TRPC1: variants seen among roughly 807,000 people sequenced by gnomAD.
TRPC1 encodes short transient receptor potential channel 1.
TRPC1 carries 42 observed loss-of-function variants against 88.2 expected under a neutral mutation model. The observed-to-expected ratio is 0.48, with a 90% CI of 0.37 to 0.62. The LOEUF (loss-of-function observed/expected upper bound fraction) is 0.62, where lower values mean the gene tolerates loss of function less well. Among genes scored for constraint, TRPC1 ranks in the 20% least tolerant of loss-of-function variants. The pLI, the probability that TRPC1 is intolerant of heterozygous loss-of-function variation, is 0.00. For synonymous variants in TRPC1, 288 were observed against 331.8 expected, an observed-to-expected ratio of 0.87 and a Z score of 1.43; for missense variants, 699 against 957.3, an observed-to-expected ratio of 0.73 and a Z score of 3.56.
At chr3:142,744,697 A>G (rs2108038152) in intron 3 of TRPC1, among the ~76,000 whole-genome samples, 1 of 152,318 alleles carries the variant, frequency 6.6e-6, no homozygotes, top group South Asian at 2.1e-4. Flanking sequence ...ACAAAATGTT[A>G]CCTAACAATC....
chr3:142,804,254 G>T, intron 11 of TRPC1, 76 bp downstream of exon 11: 1 of 1,252,800 alleles, frequency 8.0e-7, no homozygotes, highest in Non-Finnish European at 1.1e-6. Context: ...GATAGCCAAA[G>T]ATTATAAGAT....
intron 4 of TRPC1, among the ~76,000 whole-genome samples, chr3:142,771,719 G>T (rs1340967757): frequency 6.6e-6 from 1 of 152,028 alleles, no homozygotes; most frequent in Admixed American, 6.6e-5. Context: ...AATGTAAATA[G>T]AAATATATTA....
Position 142,736,195 on chromosome 3 carries a change from C to T in TRPC1, c.173-184C>T, listed in dbSNP as rs187702934. On this transcript the variant is annotated intron_variant, in intron 1 of 12. Transcript: ENST00000476941. Reference sequence around the variant, plus strand: ...ACTTTTTATGTCTGCTGCTGATGTACGTATTATTTTATTAAGGTATAAATT... The same window carrying T: ...ACTTTTTATGTCTGCTGCTGATGTATGTATTATTTTATTAAGGTATAAATT... 6.5e-3 allele frequency among the ~76,000 whole-genome samples: 975 copies of T among 150,988 alleles called. 2 individuals carry two copies. Among genetic ancestry groups the T allele is most frequent in the Non-Finnish European group, 9.3e-3 (632 of 67,946 alleles).
Position 142,748,425 on chromosome 3 carries a change from T to G in TRPC1, c.597T>G (p.Ser199=). The change falls in exon 4 of 13, where the codon TCT becomes TCG. Residue 199 remains serine, a synonymous_variant. Transcript: ENST00000476941. Reference sequence around the variant, plus strand: ...TTGGCTGTGAATGCACATTGTGTTCTGCAAAAAACAAAAAGGATAGCCTCC... The same window carrying G: ...TTGGCTGTGAATGCACATTGTGTTCGGCAAAAAACAAAAAGGATAGCCTCC... ...HAVGCECTLC[S]AKNKKDSLRH... 1 of 1,614,102 alleles carries G rather than the reference T, an allele frequency of 6.2e-7. No individual in the cohort carries two copies. The highest frequency in any genetic ancestry group is 8.5e-7 in the Non-Finnish European group (1 of 1,179,968).
In TRPC1 at chr3:142,806,080, T is replaced by C. The variant is rs748236083; in HGVS notation, c.2227T>C (p.Leu743=). Residue 743 remains leucine, a synonymous_variant, in exon 13 of 13, where the codon TTG becomes CTG. Transcript: ENST00000476941. ...KVMCCLVHRY[L]TSMRQKMQST... ...GATGTGCTGCCTAGTGCATCGTTAC[T>C]TGACTTCCATGAGACAGAAGATGCA... 4 of 1,613,974 alleles carry C rather than the reference T, an allele frequency of 2.5e-6. No individual in the cohort carries two copies. The highest frequency in any genetic ancestry group is 1.1e-5 in the South Asian group (1 of 91,068).
chr3:142,737,330 A>ATGTATGTATGTATG (rs1560093169), intron 2 of TRPC1, among the ~76,000 whole-genome samples: 1 of 60,114 alleles, frequency 1.7e-5, no homozygotes, highest in East Asian at 4.0e-4. Context: ...TATTTTATAT[A>ATGTATGTATGTATG]TATATATGTA....
chr3:142,787,332 T>C (rs1338927120), intron 7 of TRPC1, among the ~76,000 whole-genome samples: 3 of 152,318 alleles, frequency 2.0e-5, no homozygotes, highest in African/African-American at 7.2e-5. Context: ...AATATTTTGC[T>C]TGCTTGCCTA....
At chr3:142,779,586 C>T (rs1419208309) in intron 5 of TRPC1, among the ~76,000 whole-genome samples, 1 of 152,058 alleles carries the variant, frequency 6.6e-6, no homozygotes, top group Non-Finnish European at 1.5e-5. Context: ...GTTTTGACTA[C>T]ATAGAATGTA....
rs537871902 is a variant in TRPC1 at position 142,770,154 on chromosome 3, G to A, written c.633-7478G>A. ...ACTCTGTCACCCAGGCTGGAATGCA[G>A]TGGTGCAATCTTGGCTACTGTAACC... On this transcript the variant is annotated intron_variant, in intron 4 of 12. Coordinates refer to ENST00000476941, the MANE Select transcript of TRPC1 (RefSeq NM_001251845.2). Among the ~76,000 whole-genome samples, 3 of 135,196 alleles carry A rather than the reference G, an allele frequency of 2.2e-5. No individual in the cohort carries two copies. The East Asian group carries it at 7.1e-4, about 32-fold the overall frequency. 88.7% of individuals were successfully genotyped at this position (135,196 alleles called of 152,430 possible).
At chr3:142,771,669 C>T (rs943214772) in intron 4 of TRPC1, among the ~76,000 whole-genome samples, 9 of 152,148 alleles carry the variant, frequency 5.9e-5, no homozygotes, top group African/African-American at 1.7e-4. Context: ...TTTGGCCCCA[C>T]CTACCTACTA....
Position 142,792,904 on chromosome 3 carries a change from T to G in TRPC1, c.1518T>G (p.Asn506Lys). Residue 506 changes from asparagine (N) to lysine (K), a missense_variant, in exon 9 of 13, where the codon AAT (asparagine) becomes AAG (lysine). Transcript: ENST00000476941. This position sits in a 1 kb window ranked among gnomAD's most constrained non-coding sequence, Gnocchi z 4.0. ...CAGAAGGGCTTTTTGCATTTGCAAATGTTCTAAGTTATCTTCGTCTCTTTT... is the reference window on the plus strand; with the variant it reads ...CAGAAGGGCTTTTTGCATTTGCAAAGGTTCTAAGTTATCTTCGTCTCTTTT... ...LVAEGLFAFA[N>K]VLSYLRLFFM... The G allele has an allele frequency of 6.2e-7, 1 of 1,610,714 alleles. No individual in the cohort carries two copies. The highest frequency in any genetic ancestry group is 8.5e-7 in the Non-Finnish European group (1 of 1,178,016).
chr3:142,792,756 A>T lies in TRPC1; in HGVS notation c.1438-68A>T. ...AAAATGGCTTTCTTTCAACAGTCAG[A>T]ATATTTGCTTTTATTTTCCTAAATT... is the stretch of plus-strand genomic sequence containing the variant. On this transcript the variant is annotated intron_variant, in intron 8 of 12. Coordinates refer to ENST00000476941, the MANE Select transcript of TRPC1 (RefSeq NM_001251845.2). This position sits in a 1 kb window ranked among gnomAD's most constrained non-coding sequence, Gnocchi z 4.0. 6.9e-7 allele frequency: 1 copy of T among 1,443,684 alleles called. No individual in the cohort carries two copies. 89.4% of individuals were successfully genotyped at this position (1,443,684 alleles called of 1,614,324 possible). A position where few individuals can be genotyped will look rare whatever the true frequency, so the allele number is the denominator to read the frequency against.
intron 3 of TRPC1, among the ~76,000 whole-genome samples, chr3:142,745,146 A>G (rs1374449998): frequency 6.6e-6 from 1 of 152,192 alleles, no homozygotes; most frequent in African/African-American, 2.4e-5. Flanking sequence ...AAAGGCTAAG[A>G]ATATAGTCCC....
At chr3:142,751,328 G>A (rs1934755449) in intron 4 of TRPC1, among the ~76,000 whole-genome samples, 1 of 152,016 alleles carries the variant, frequency 6.6e-6, no homozygotes, top group African/African-American at 2.4e-5. Context: ...TATTTTTACT[G>A]TACCTTTTCT....
At chr3:142,793,094 C>A in intron 9 of TRPC1, 127 bp downstream of exon 9, 1 of 779,078 alleles carries the variant, frequency 1.3e-6, no homozygotes, top group Non-Finnish European at 1.8e-6. Flanking sequence ...GAATAAGTAG[C>A]AATTAGAAGG....
In TRPC1 at chr3:142,780,883, T is replaced by G; in HGVS notation, c.814T>G (p.Leu272Val). 2 of 1,613,378 alleles carry G rather than the reference T, an allele frequency of 1.2e-6. No individual in the cohort carries two copies. Among genetic ancestry groups the G allele is most frequent in the Middle Eastern group, 1.7e-4 (1 of 6,056 alleles). ...GCAATGTAAAATGTTTGCTAAGGAT[T>G]TACTTGCACAAGCCCGGAATTCTCG... ...ARQCKMFAKD[L>V]LAQARNSREL... The change falls in exon 6 of 13, where the codon TTA (leucine) becomes GTA (valine). Residue 272 changes from leucine to valine, a missense_variant. Transcript: ENST00000476941.
At chr3:142,731,819 C>T (rs1016284285) in intron 1 of TRPC1, among the ~76,000 whole-genome samples, 4 of 152,056 alleles carry the variant, frequency 2.6e-5, no homozygotes, top group Non-Finnish European at 5.9e-5. Flanking sequence ...GGAGCTAAAA[C>T]TGGTTTTTTA....
chr3:142,782,075 G>A lies in TRPC1; in HGVS notation c.960+1046G>A, dbSNP rs1195401956. On this transcript the variant is annotated intron_variant, in intron 6 of 12. Coordinates refer to ENST00000476941, the MANE Select transcript of TRPC1 (RefSeq NM_001251845.2). ...AAAGGGACATGAAGTCCTAGAAAAT[G>A]ATAGAATAAGGGGATTACATGGTAT... 2.0e-5 allele frequency among the ~76,000 whole-genome samples: 3 copies of A among 152,054 alleles called. 1 individual carries two copies. In the South Asian group the frequency reaches 6.2e-4, roughly 31 times the overall value.
At chr3:142,754,901 T>G (rs1343876512) in intron 4 of TRPC1, among the ~76,000 whole-genome samples, 5 of 152,178 alleles carry the variant, frequency 3.3e-5, no homozygotes, top group African/African-American at 1.2e-4. Context: ...CTGAATGGTA[T>G]GAATCTCCAA....
Sources: gnomAD v4.1 joint callset for allele counts (sites outside exome capture counted in the v4.1 genomes callset) on GRCh38, gnomAD v4.1.1 for gene constraint, Gnocchi (gnomAD v3.1) non-coding constraint, MANE v1.5 for transcripts, NCBI Gene and HGNC (gene_info 2026-07-23, HGNC 2026-07-21) for gene names.